ARGLU1: variants seen among roughly 807,000 people sequenced by gnomAD.
ARGLU1 encodes arginine and glutamate rich 1, also known as arginine and glutamate-rich protein 1.
In ARGLU1, 9 loss-of-function variants were observed where a neutral mutation model predicts 37.6. That is an observed-to-expected ratio of 0.24 (90% CI 0.14 to 0.42). The LOEUF is 0.42. Ranked by LOEUF, ARGLU1 falls within the 10% of genes least tolerant of loss-of-function variation. The probability of loss-of-function intolerance (pLI) is 1.00; values close to 1 mark genes in which losing one functional copy is unlikely to be tolerated. For synonymous variants in ARGLU1, 166 were observed against 138.5 expected, an observed-to-expected ratio of 1.20 and a Z score of -1.39; for missense variants, 211 against 359.2, an observed-to-expected ratio of 0.59 and a Z score of 3.34.
At chr13:106,560,422 A>T (rs1392090678) in intron 1 of ARGLU1, among the ~76,000 whole-genome samples, 1 of 152,192 alleles carries the variant, frequency 6.6e-6, no homozygotes, top group Non-Finnish European at 1.5e-5. Context: ...AATTACTGAC[A>T]TTCATCAAGG....
At chr13:106,560,761 T>A (rs1880779067) in intron 1 of ARGLU1, among the ~76,000 whole-genome samples, 2 of 152,224 alleles carry the variant, frequency 1.3e-5, no homozygotes, top group Admixed American at 1.3e-4. Context: ...ACGATTCATG[T>A]TCCAACTTTC....
At chr13:106,553,746 G>A (rs2138968947) in intron 3 of ARGLU1, among the ~76,000 whole-genome samples, 1 of 152,168 alleles carries the variant, frequency 6.6e-6, no homozygotes, top group African/African-American at 2.4e-5. Context: ...TTTTTAATTA[G>A]GAAGTTAGTC....
chr13:106,564,307 C>CA (rs1566475969), intron 1 of ARGLU1, among the ~76,000 whole-genome samples: 1 of 152,162 alleles, frequency 6.6e-6, no homozygotes, highest in Non-Finnish European at 1.5e-5. Flanking sequence ...TGCCAAGTAT[C>CA]ACCTACTTTA....
intron 3 of ARGLU1, among the ~76,000 whole-genome samples, chr13:106,544,651 G>C (rs1594186685): frequency 6.6e-6 from 1 of 151,956 alleles, no homozygotes; most frequent in Admixed American, 6.6e-5. Flanking sequence ...TTTACTCAAA[G>C]AGCAGGTTAT....
intron 3 of ARGLU1, among the ~76,000 whole-genome samples, chr13:106,553,858 T>C (rs1464479696): frequency 2.6e-5 from 4 of 152,230 alleles, no homozygotes; most frequent in African/African-American, 9.6e-5. Flanking sequence ...AACTTGTCTT[T>C]TCTATAATCC....
At chr13:106,563,891 C>T (rs956796870) in intron 1 of ARGLU1, among the ~76,000 whole-genome samples, 16 of 152,270 alleles carry the variant, frequency 1.1e-4, no homozygotes, top group East Asian at 1.9e-4. Flanking sequence ...GGAGGATATT[C>T]GAACCTAGAT....
chr13:106,568,074 C>T lies in ARGLU1; in HGVS notation c.-155G>A. On this transcript the variant is annotated 5_prime_UTR_variant, in exon 1 of 4. Transcript: ENST00000400198. ...TTATGCCTTTTCCCGGCGTCTACAGCTGCCACGAAGGCCGCCTCCAACGAG... is the reference window on the plus strand; with the variant it reads ...TTATGCCTTTTCCCGGCGTCTACAGTTGCCACGAAGGCCGCCTCCAACGAG... 1.6e-6 allele frequency: 2 copies of T among 1,234,676 alleles called. No homozygotes were observed. The highest frequency in any genetic ancestry group is 2.1e-6 in the Non-Finnish European group (2 of 939,526). 76.5% of individuals were successfully genotyped at this position (1,234,676 alleles called of 1,614,324 possible).
At chr13:106,554,421 A>G (rs1422242995) in intron 3 of ARGLU1, among the ~76,000 whole-genome samples, 1 of 152,198 alleles carries the variant, frequency 6.6e-6, no homozygotes, top group African/African-American at 2.4e-5. Context: ...AAACATACAT[A>G]AAGATTAAAG....
intron 1 of ARGLU1, among the ~76,000 whole-genome samples, chr13:106,564,041 G>A (rs1197351117): frequency 1.3e-5 from 2 of 152,216 alleles, no homozygotes; most frequent in African/African-American, 4.8e-5. Context: ...TGGTGCTACT[G>A]GTGTGGGGGA....
chr13:106,561,609 T>C (rs1014757158), intron 1 of ARGLU1, among the ~76,000 whole-genome samples: 9 of 152,088 alleles, frequency 5.9e-5, no homozygotes, highest in Admixed American at 1.3e-4. Flanking sequence ...AAAAGGATAA[T>C]GTAACACAGT....
chr13:106,551,504 AT>A (rs1256749380), intron 3 of ARGLU1, among the ~76,000 whole-genome samples: 1 of 152,214 alleles, frequency 6.6e-6, no homozygotes, highest in South Asian at 2.1e-4. Context: ...AAGGCAACAT[AT>A]GCATTTTCTA....
chr13:106,547,304 T>C (rs970557092), intron 3 of ARGLU1, among the ~76,000 whole-genome samples: 1 of 152,220 alleles, frequency 6.6e-6, no homozygotes, highest in Admixed American at 6.5e-5. Flanking sequence ...CAAAATTACA[T>C]CTTCGTAATA....
intron 1 of ARGLU1, among the ~76,000 whole-genome samples, chr13:106,562,628 G>T (rs952974804): frequency 9.9e-5 from 15 of 152,022 alleles, no homozygotes; most frequent in South Asian, 4.1e-4. Flanking sequence ...ATTAAATCAA[G>T]ATCTTCAAGG....
intron 3 of ARGLU1, among the ~76,000 whole-genome samples, chr13:106,551,897 G>T (rs1880540060): frequency 1.3e-5 from 2 of 152,098 alleles, no homozygotes; most frequent in Non-Finnish European, 2.9e-5. Context: ...ACATGTGATG[G>T]CATTTAAGGC....
At position 106,557,485 on chromosome 13, in the gene ARGLU1, G is replaced by T; in HGVS notation, c.574-354C>A. On this transcript the variant is annotated intron_variant, in intron 2 of 3. Coordinates refer to ENST00000400198, the MANE Select transcript of ARGLU1 (RefSeq NM_018011.4). This position sits in a 1 kb window ranked among gnomAD's most constrained non-coding sequence, Gnocchi z 5.0. ...TAAAATATAAATAAAGTGAATATTT[G>T]TCTCACCAATTATGTATACCTACGT... is the stretch of plus-strand genomic sequence containing the variant. 9.0e-7 allele frequency: 1 copy of T among 1,111,782 alleles called. No homozygotes were observed. Among genetic ancestry groups the T allele is most frequent in the Non-Finnish European group, 1.2e-6 (1 of 833,842 alleles). 68.9% of individuals were successfully genotyped at this position (1,111,782 alleles called of 1,614,324 possible). A position where few individuals can be genotyped will look rare whatever the true frequency, so the allele number is the denominator to read the frequency against.
intron 2 of ARGLU1, 96 bp downstream of exon 2, chr13:106,559,336 T>C: frequency 6.4e-7 from 1 of 1,565,512 alleles, no homozygotes; most frequent in Non-Finnish European, 8.6e-7. Context: ...TTAGATAGTC[T>C]GTATTCCATC....
At position 106,543,689 on chromosome 13, in the gene ARGLU1, G is replaced by A. The variant is rs1231279992; in HGVS notation, c.*307C>T. ...TCTGAAGTCAGTGGGGTCAGTAAAAGCCTTATCAGACCATCCATAGTTTTA... is the reference window on the plus strand; with the variant it reads ...TCTGAAGTCAGTGGGGTCAGTAAAAACCTTATCAGACCATCCATAGTTTTA... On this transcript the variant is annotated 3_prime_UTR_variant, in exon 4 of 4. Transcript: ENST00000400198. The A allele has an allele frequency of 4.7e-6, 1 of 211,322 alleles. No homozygotes were observed. The highest frequency in any genetic ancestry group is 1.2e-4 in the East Asian group (1 of 8,506). 13.1% of individuals were successfully genotyped at this position (211,322 alleles called of 1,614,324 possible).
intron 3 of ARGLU1, among the ~76,000 whole-genome samples, chr13:106,555,320 C>T (rs554830470): frequency 6.6e-6 from 1 of 152,168 alleles, no homozygotes; most frequent in Non-Finnish European, 1.5e-5. Context: ...GAGACTGCGC[C>T]ATTGCACTTC....
intron 2 of ARGLU1, chr13:106,558,175 T>G: frequency 1.0e-6 from 1 of 985,200 alleles, no homozygotes; most frequent in Non-Finnish European, 1.2e-6. Context: ...GAAAAAAATC[T>G]TACTATGATT....
Sources: gnomAD v4.1 joint callset for allele counts (sites outside exome capture counted in the v4.1 genomes callset) on GRCh38, gnomAD v4.1.1 for gene constraint, Gnocchi (gnomAD v3.1) non-coding constraint, MANE v1.5 for transcripts, NCBI Gene and HGNC (gene_info 2026-07-23, HGNC 2026-07-21) for gene names.